Variants in CHST6 observed in about 807,000 individuals in gnomAD.
CHST6 encodes the protein carbohydrate sulfotransferase 6.
For missense variants in CHST6, 698 were observed against 586.2 expected, an observed-to-expected ratio of 1.19 and a Z score of -1.97; for synonymous variants, 309 against 276.4, an observed-to-expected ratio of 1.12 and a Z score of -1.17.
Position 75,479,725 on chromosome 16 carries a change from G to A in CHST6, c.104C>T (p.Ala35Val), listed in dbSNP as rs765804031. ...LVSRPGPSSP[A>V]GGEARVHVLV... ...CACATGCACGCGCGCCTCGCCGCCT[G>A]CTGGGGACGAGGGCCCTGGCCGGGA... The change falls in exon 3 of 3, where the codon GCA (alanine) becomes GTA (valine). Residue 35 changes from alanine (A) to valine (V), a missense_variant. Transcript: ENST00000332272. 6.2e-7 allele frequency: 1 copy of A among 1,607,892 alleles called. No individual in the cohort carries two copies. Among genetic ancestry groups the A allele is most frequent in the Non-Finnish European group, 8.5e-7 (1 of 1,177,198 alleles).
At chr16:75,484,879 A>C (rs1430328482) in intron 1 of CHST6, among the ~76,000 whole-genome samples, 1 of 152,138 alleles carries the variant, frequency 6.6e-6, no homozygotes, top group African/African-American at 2.4e-5. Flanking sequence ...ACTCAAGGTA[A>C]AGATGAGGGC....
At position 75,479,258 on chromosome 16, in the gene CHST6, G is replaced by A. The variant is rs371130883; in HGVS notation, c.571C>T (p.Pro191Ser). Reference sequence around the variant, plus strand: ...TGCACGATGCGTAGGTTGAGCGCGGGGTCGCTGAGCAGCGGGTAGAGCACC... The same window carrying A: ...TGCACGATGCGTAGGTTGAGCGCGGAGTCGCTGAGCAGCGGGTAGAGCACC... ...LQVLYPLLSDPALNLRIVHLV... is the reference protein window; with the variant it reads ...LQVLYPLLSDSALNLRIVHLV... The change falls in exon 3 of 3, where the codon CCC becomes TCC. Residue 191 changes from proline to serine, a missense_variant. Transcript: ENST00000332272. 4 of 1,612,478 alleles carry A rather than the reference G, an allele frequency of 2.5e-6. No individual in the cohort carries two copies. The African/African-American group carries it at 4.0e-5, about 16-fold the overall frequency.
Position 75,488,469 on chromosome 16 carries a change from C to T in CHST6, c.-92+6471G>A, listed in dbSNP as rs532112120. The stretch of plus-strand genomic sequence containing the variant: ...GGGCAACAAGAGCAAAGCCCCGTCA[C>T]AAGGAGAAAAAAAAAAAAAAAAGAA... On this transcript the variant is annotated intron_variant, in intron 1 of 2. Transcript: ENST00000332272. Among the ~76,000 whole-genome samples the T allele has an allele frequency of 2.3e-4, 30 of 130,716 alleles. No individual in the cohort carries two copies. The East Asian group carries it at 6.5e-3, about 28-fold the overall frequency. 85.8% of individuals were successfully genotyped at this position (130,716 alleles called of 152,430 possible). A position where few individuals can be genotyped will look rare whatever the true frequency, so the allele number is the denominator to read the frequency against.
chr16:75,494,697 G>A (rs527699176), intron 1 of CHST6, among the ~76,000 whole-genome samples: 17 of 152,308 alleles, frequency 1.1e-4, no homozygotes, highest in South Asian at 2.1e-4. Flanking sequence ...AGACAAAAGG[G>A]GTTCTCCCCT....
chr16:75,493,681 T>C (rs148343455), intron 1 of CHST6, among the ~76,000 whole-genome samples: 3 of 152,292 alleles, frequency 2.0e-5, no homozygotes, highest in South Asian at 2.1e-4. Context: ...GCCACACTTA[T>C]ATTCTATGAA....
chr16:75,491,365 A>AT (rs1026152009), intron 1 of CHST6, among the ~76,000 whole-genome samples: 22 of 149,344 alleles, frequency 1.5e-4, no homozygotes, highest in African/African-American at 3.2e-4. Context: ...TTTACAGGTA[A>AT]TTTTTTTTTA....
At chr16:75,482,341 G>C (rs1567411492) in intron 1 of CHST6, among the ~76,000 whole-genome samples, 1 of 152,186 alleles carries the variant, frequency 6.6e-6, no homozygotes, top group East Asian at 1.9e-4. Flanking sequence ...CTGAGGTTGG[G>C]AGTTTGAGAC....
At chr16:75,486,579 T>A (rs945114265) in intron 1 of CHST6, among the ~76,000 whole-genome samples, 1 of 152,242 alleles carries the variant, frequency 6.6e-6, no homozygotes, top group African/African-American at 2.4e-5. Context: ...ACTGCAATTC[T>A]GGAGTTTTGT....
chr16:75,478,693 C>T lies in CHST6; in HGVS notation c.1136G>A (p.Gly379Asp). 1 of 1,613,724 alleles carries T rather than the reference C, an allele frequency of 6.2e-7. No homozygotes were observed. Among genetic ancestry groups the T allele is most frequent in the Admixed American group, 1.7e-5 (1 of 60,026 alleles). ...TGATGCCCAAGTGAAGCCGTTCAGG[C>T]CTCGTGGCAGCACCAGATCAAGGGC... is the stretch of plus-strand genomic sequence containing the variant. ...NLALDLVLPR[G>D]LNGFTWASST... The change falls in exon 3 of 3, where the codon GGC (glycine) becomes GAC (aspartate). Residue 379 changes from glycine (G) to aspartate (D), a missense_variant. Physicochemically the swap from Gly to Asp is moderately conservative, Grantham distance 94 (BLOSUM62 -1). Transcript: ENST00000332272.
At position 75,478,787 on chromosome 16, in the gene CHST6, G is replaced by C. The variant is rs1181211473; in HGVS notation, c.1042C>G (p.Leu348Val). 1.9e-6 allele frequency: 3 copies of C among 1,613,520 alleles called. No individual in the cohort carries two copies. The highest frequency in any genetic ancestry group is 8.5e-7 in the Non-Finnish European group (1 of 1,179,992). Residue 348 changes from leucine (L) to valine (V), a missense_variant, in exon 3 of 3, where the codon CTG (leucine) becomes GTG (valine). Transcript: ENST00000332272. ...PFAKIRRVQELCAGALQLLGY... is the reference protein window; with the variant it reads ...PFAKIRRVQEVCAGALQLLGY... ...AGCAGCTGCAGCGCACCAGCGCACA[G>C]TTCCTGCACGCGGCGGATCTTGGCA...
In CHST6 at chr16:75,479,568, C is replaced by A. The variant is rs1283886222; in HGVS notation, c.261G>T (p.Thr87=). 2.5e-6 allele frequency: 4 copies of A among 1,612,938 alleles called. No individual in the cohort carries two copies. The East Asian group carries it at 8.9e-5, about 36-fold the overall frequency. ...CCAGGTCGCGCACAGCCATGTGCAG[C>A]GTTGCGGCGCTGCCCTGCGACAGGG... is the stretch of plus-strand genomic sequence containing the variant. The part of the protein sequence containing the change: ...WTTLSQGSAA[T]LHMAVRDLVR... Residue 87 remains threonine (T), a synonymous_variant, in exon 3 of 3, where the codon ACG becomes ACT. Coordinates refer to ENST00000332272, the MANE Select transcript of CHST6 (RefSeq NM_021615.5).
At chr16:75,490,200 C>T (rs1269827315) in intron 1 of CHST6, among the ~76,000 whole-genome samples, 2 of 139,284 alleles carry the variant, frequency 1.4e-5, no homozygotes, top group East Asian at 5.4e-4. Flanking sequence ...AAAAAAAGGC[C>T]GGGCACAGTG....
chr16:75,493,298 C>T (rs1331255503), intron 1 of CHST6, among the ~76,000 whole-genome samples: 1 of 151,966 alleles, frequency 6.6e-6, no homozygotes, highest in Non-Finnish European at 1.5e-5. Context: ...ATCACGAGGT[C>T]AGGAGTTTGA....
intron 1 of CHST6, among the ~76,000 whole-genome samples, chr16:75,490,049 G>T (rs931947651): frequency 6.6e-5 from 10 of 150,566 alleles, no homozygotes; most frequent in African/African-American, 2.5e-4. Flanking sequence ...GTGGTGGCAG[G>T]CACCTGTAAT....
At chr16:75,482,735 C>G (rs2080155634) in intron 1 of CHST6, among the ~76,000 whole-genome samples, 1 of 152,128 alleles carries the variant, frequency 6.6e-6, no homozygotes, top group Admixed American at 6.6e-5. Flanking sequence ...TTGCTCCTTG[C>G]CTGCCCCCTT....
intron 1 of CHST6, among the ~76,000 whole-genome samples, chr16:75,482,149 G>T (rs2080149130): frequency 6.6e-6 from 1 of 152,072 alleles, no homozygotes; most frequent in Non-Finnish European, 1.5e-5. Flanking sequence ...TCCCCCTGGG[G>T]AGTCTCCCCC....
At position 75,495,215 on chromosome 16, in the gene CHST6, A is replaced by G. The variant is rs1313393344; in HGVS notation, c.-367T>C. On this transcript the variant is annotated 5_prime_UTR_variant, in exon 1 of 3. Coordinates refer to ENST00000332272, the MANE Select transcript of CHST6 (RefSeq NM_021615.5). The stretch of plus-strand genomic sequence containing the variant: ...GGAAGCTCCTGGAGACTCGAGGTAG[A>G]ACGAATGTGGGAACAGGGCAGGAGT... 2 of 152,440 alleles carry G rather than the reference A, an allele frequency of 1.3e-5. No individual in the cohort carries two copies. The highest frequency in any genetic ancestry group is 2.9e-5 in the Non-Finnish European group (2 of 68,226). The allele number at this position is 152,440 out of a possible 1,614,324, so 9.4% of individuals were successfully genotyped here. A position where few individuals can be genotyped will look rare whatever the true frequency, so the allele number is the denominator to read the frequency against.
chr16:75,479,258 G>C lies in CHST6; in HGVS notation c.571C>G (p.Pro191Ala). The change falls in exon 3 of 3, where the codon CCC becomes GCC. Residue 191 changes from proline (P) to alanine (A), a missense_variant. Transcript: ENST00000332272. ...TGCACGATGCGTAGGTTGAGCGCGGGGTCGCTGAGCAGCGGGTAGAGCACC... is the reference window on the plus strand; with the variant it reads ...TGCACGATGCGTAGGTTGAGCGCGGCGTCGCTGAGCAGCGGGTAGAGCACC... ...LQVLYPLLSD[P>A]ALNLRIVHLV... 6.2e-7 allele frequency: 1 copy of C among 1,612,596 alleles called. No individual in the cohort carries two copies. Among genetic ancestry groups the C allele is most frequent in the Non-Finnish European group, 8.5e-7 (1 of 1,179,762 alleles).
chr16:75,485,299 A>G (rs74786343), intron 1 of CHST6, among the ~76,000 whole-genome samples: 2,495 of 152,294 alleles, frequency 0.016, 67 homozygotes, highest in African/African-American at 0.056. Flanking sequence ...TAGCTTGAGA[A>G]AGGATAAAAT....
Sources: gnomAD v4.1 joint callset for allele counts (sites outside exome capture counted in the v4.1 genomes callset) on GRCh38, gnomAD v4.1.1 for gene constraint, MANE v1.5 for transcripts, NCBI Gene and HGNC (gene_info 2026-07-23, HGNC 2026-07-21) for gene names.